Variants in KIAA1217 observed in about 807,000 individuals in gnomAD.
The protein encoded by KIAA1217 is KIAA1217, also known as sickle tail protein homolog.
KIAA1217 carries 88 observed loss-of-function variants against 163.9 expected under a neutral mutation model. The ratio of observed to expected loss-of-function variants is 0.54; its 90% CI spans 0.45 to 0.64. The LOEUF is 0.64. Ranked by LOEUF, KIAA1217 falls within the 30% of genes least tolerant of loss-of-function variation. The pLI is 0.00. For synonymous variants in KIAA1217, 903 were observed against 923.1 expected (o/e 0.98, Z 0.39); for missense variants, 2,372 against 2,475.0 (o/e 0.96, Z 0.88).
intron 2 of KIAA1217, among the ~76,000 whole-genome samples, chr10:24,013,970 C>T (rs1433210499): frequency 6.6e-6 from 1 of 152,150 alleles, no homozygotes. Flanking sequence ...GAATATTCAA[C>T]ATTACTCCTT....
intron 5 of KIAA1217, among the ~76,000 whole-genome samples, chr10:24,452,984 T>C (rs1182118690): frequency 6.6e-6 from 1 of 152,190 alleles, no homozygotes; most frequent in Non-Finnish European, 1.5e-5. Context: ...TTTGGAGTCG[T>C]AGGATTTTTG....
intron 3 of KIAA1217, among the ~76,000 whole-genome samples, chr10:24,404,628 C>T (rs1441402934): frequency 1.3e-5 from 2 of 148,302 alleles, no homozygotes; most frequent in Non-Finnish European, 3.0e-5. Context: ...CCAGCAACTG[C>T]AGTCTTTTGC....
At chr10:24,158,227 C>A in intron 2 of KIAA1217, 2 of 730,944 alleles carry the variant, frequency 2.7e-6, no homozygotes, top group Admixed American at 1.8e-5. Context: ...TGGAACAGGG[C>A]AAAGTACGTT....
chr10:23,789,455 C>A (rs1243556572), intron 1 of KIAA1217, among the ~76,000 whole-genome samples: 1 of 152,064 alleles, frequency 6.6e-6, no homozygotes, highest in Non-Finnish European at 1.5e-5. Flanking sequence ...CCTTATACCA[C>A]CTGAAAGATG....
At chr10:24,484,239 A>ATATT (rs1393497168) in intron 6 of KIAA1217, among the ~76,000 whole-genome samples, 1 of 86,198 alleles carries the variant, frequency 1.2e-5, no homozygotes, top group Non-Finnish European at 2.3e-5. Flanking sequence ...ATATATATAT[A>ATATT]TATTTTTTTT....
rs1316844679 is a variant in KIAA1217, at chr10:24,024,348, G to T, written c.-171+16974G>T. Reference sequence around the variant, plus strand: ...ATAAATGGAATCATAAAGTTGGGTAGTCTTTTGTGTTTGATTTCTTTCCCT... The same window carrying T: ...ATAAATGGAATCATAAAGTTGGGTATTCTTTTGTGTTTGATTTCTTTCCCT... On this transcript the variant is annotated intron_variant, in intron 2 of 18. Transcript: ENST00000376462. 3.3e-5 allele frequency among the ~76,000 whole-genome samples: 5 copies of T among 151,602 alleles called. No individual in the cohort carries two copies. In the East Asian group the frequency reaches 9.7e-4, roughly 29 times the overall value.
intron 5 of KIAA1217, among the ~76,000 whole-genome samples, chr10:24,471,970 A>G (rs1205903657): frequency 6.6e-6 from 1 of 152,154 alleles, no homozygotes; most frequent in African/African-American, 2.4e-5. Context: ...TGTTGACCAG[A>G]ACACTTACAG....
chr10:24,177,979 C>T (rs1371002128), intron 2 of KIAA1217, among the ~76,000 whole-genome samples: 3 of 152,158 alleles, frequency 2.0e-5, no homozygotes, highest in Non-Finnish European at 4.4e-5. Context: ...AGGTCTGGTG[C>T]TTTTCCTAAA....
At position 24,546,513 on chromosome 10, in the gene KIAA1217, A is replaced by G; in HGVS notation, c.*189A>G. On this transcript the variant is annotated 3_prime_UTR_variant, in exon 21 of 21. Coordinates refer to ENST00000376454, the MANE Select transcript of KIAA1217 (RefSeq NM_019590.5). Reference sequence around the variant, plus strand: ...GTTTTGTTTGGTTTTCTTTTTACCTAGTTGCTATAGTGTCTACAGTCTATA... The same window carrying G: ...GTTTTGTTTGGTTTTCTTTTTACCTGGTTGCTATAGTGTCTACAGTCTATA... The G allele has an allele frequency of 1.6e-6, 1 of 626,838 alleles. No individual in the cohort carries two copies. 38.8% of individuals were successfully genotyped at this position (626,838 alleles called of 1,614,324 possible). A position where few individuals can be genotyped will look rare whatever the true frequency, so the allele number is the denominator to read the frequency against.
At chr10:23,860,096 C>T (rs1452314833) in intron 1 of KIAA1217, among the ~76,000 whole-genome samples, 3 of 152,136 alleles carry the variant, frequency 2.0e-5, no homozygotes, top group Admixed American at 6.5e-5. Flanking sequence ...CTCGTACGTT[C>T]TGATTTCCAT....
chr10:24,062,771 C>T (rs548602748), intron 2 of KIAA1217, among the ~76,000 whole-genome samples: 3,968 of 152,062 alleles, frequency 0.026, 162 homozygotes, highest in African/African-American at 0.092. Context: ...TAAAAGTGTT[C>T]CTATTTCTCC....
intron 2 of KIAA1217, among the ~76,000 whole-genome samples, chr10:24,337,405 T>C (rs955073828): frequency 2.0e-5 from 3 of 152,146 alleles, no homozygotes; most frequent in Admixed American, 6.5e-5. Flanking sequence ...GAGTATCTCA[T>C]TGTAGCCCTG....
intron 2 of KIAA1217, among the ~76,000 whole-genome samples, chr10:24,182,095 G>A (rs1174913695): frequency 2.6e-5 from 4 of 152,178 alleles, no homozygotes; most frequent in Non-Finnish European, 5.9e-5. Context: ...TTGATGCTTA[G>A]TGATGCACTG....
intron 2 of KIAA1217, among the ~76,000 whole-genome samples, chr10:24,049,523 C>T (rs1198565227): frequency 6.6e-6 from 1 of 152,068 alleles, no homozygotes; most frequent in Non-Finnish European, 1.5e-5. Flanking sequence ...CTGTCACTTA[C>T]ATTAGGTATT....
chr10:24,437,906 C>CAAAAAA (rs58645832), intron 4 of KIAA1217, among the ~76,000 whole-genome samples: 3,789 of 59,570 alleles, frequency 0.064, 8 homozygotes, highest in African/African-American at 0.081. Context: ...TGTTTGAAGG[C>CAAAAAA]AAAAAAAAAA....
At chr10:24,462,166 C>G (rs2062475739) in intron 5 of KIAA1217, among the ~76,000 whole-genome samples, 1 of 150,770 alleles carries the variant, frequency 6.6e-6, no homozygotes, top group African/African-American at 2.4e-5. Context: ...TATATATAAG[C>G]ATATATACTG....
intron 1 of KIAA1217, among the ~76,000 whole-genome samples, chr10:23,790,429 A>G (rs1291921924): frequency 1.8e-5 from 2 of 111,334 alleles, no homozygotes; most frequent in African/African-American, 8.0e-5. Flanking sequence ...ATACATATAT[A>G]CATATACATA....
chr10:24,485,658 G>T (rs2065296922), intron 6 of KIAA1217, among the ~76,000 whole-genome samples: 1 of 152,206 alleles, frequency 6.6e-6, no homozygotes, highest in Non-Finnish European at 1.5e-5. Flanking sequence ...TTTGTTGAAT[G>T]AATGAATTTA....
At chr10:23,746,261 G>A (rs1044440545) in intron 1 of KIAA1217, among the ~76,000 whole-genome samples, 1 of 152,074 alleles carries the variant, frequency 6.6e-6, no homozygotes, top group African/African-American at 2.4e-5. Flanking sequence ...TGTGATCTTT[G>A]CACACACTGG....
Sources: gnomAD v4.1 joint callset for allele counts (sites outside exome capture counted in the v4.1 genomes callset) on GRCh38, gnomAD v4.1.1 for gene constraint, MANE v1.5 for transcripts, NCBI Gene and HGNC (gene_info 2026-07-23, HGNC 2026-07-21) for gene names.